RBFOX3: variants seen among roughly 807,000 people sequenced by gnomAD.
The protein encoded by RBFOX3 is RNA binding fox-1 homolog 3, also known as RNA binding protein fox-1 homolog 3.
A neutral mutation model predicts 48.7 loss-of-function variants in RBFOX3; 17 were observed. That is an observed-to-expected ratio of 0.35 (90% CI 0.24 to 0.52). The LOEUF is 0.52. Ranked by LOEUF, RBFOX3 falls within the 20% of genes least tolerant of loss-of-function variation. RBFOX3 has a pLI of 0.94. For missense variants in RBFOX3, 382 were observed against 497.5 expected (o/e 0.77, Z 2.21); for synonymous variants, 212 against 209.5 (o/e 1.01, Z -0.10).
chr17:79,597,313 T>G (rs958585621), intron 1 of RBFOX3, among the ~76,000 whole-genome samples: 1 of 152,136 alleles, frequency 6.6e-6, no homozygotes. Context: ...CCGGTTTGCA[T>G]TGGGAATGAG....
At chr17:79,158,964 G>C (rs1568250374) in intron 4 of RBFOX3, among the ~76,000 whole-genome samples, 1 of 152,224 alleles carries the variant, frequency 6.6e-6, no homozygotes, top group Non-Finnish European at 1.5e-5. Flanking sequence ...AACCGACACT[G>C]CTTGAGCACC....
At chr17:79,350,941 T>G (rs1204818589) in intron 2 of RBFOX3, among the ~76,000 whole-genome samples, 1 of 152,212 alleles carries the variant, frequency 6.6e-6, no homozygotes, top group Non-Finnish European at 1.5e-5. Flanking sequence ...TGGCATCCCC[T>G]GGTAACCTCT....
chr17:79,384,354 C>T (rs896016861), intron 2 of RBFOX3, among the ~76,000 whole-genome samples: 8 of 152,122 alleles, frequency 5.3e-5, no homozygotes, highest in African/African-American at 1.2e-4. Context: ...GACATCTGGC[C>T]ACGCCCTCCC....
chr17:79,542,718 G>A (rs2089890295), intron 1 of RBFOX3, among the ~76,000 whole-genome samples: 1 of 152,212 alleles, frequency 6.6e-6, no homozygotes, highest in Non-Finnish European at 1.5e-5. Flanking sequence ...AGGCGGCGGA[G>A]GCTGCAGTGA....
intron 2 of RBFOX3, among the ~76,000 whole-genome samples, chr17:79,424,445 C>A (rs1490548388): frequency 6.6e-6 from 1 of 152,082 alleles, no homozygotes; most frequent in Admixed American, 6.5e-5. Flanking sequence ...TCCCTCCGCT[C>A]CCCCCGCAAC....
intron 2 of RBFOX3, among the ~76,000 whole-genome samples, chr17:79,478,367 C>A (rs1053669209): frequency 6.6e-6 from 1 of 152,196 alleles, no homozygotes; most frequent in Non-Finnish European, 1.5e-5. Flanking sequence ...GGCAGGCTCA[C>A]ACTCAGCCCC....
intron 2 of RBFOX3, among the ~76,000 whole-genome samples, chr17:79,395,900 T>G (rs1430845733): frequency 6.6e-6 from 1 of 152,216 alleles, no homozygotes; most frequent in African/African-American, 2.4e-5. Context: ...CCAGCGGGGC[T>G]GCAGCTAGGC....
intron 2 of RBFOX3, among the ~76,000 whole-genome samples, chr17:79,317,090 A>G (rs976328321): frequency 1.1e-4 from 17 of 152,220 alleles, no homozygotes; most frequent in African/African-American, 4.1e-4. Flanking sequence ...GGCATTTCCC[A>G]TATGCTCCCT....
the RBFOX3 span, among the ~76,000 whole-genome samples, chr17:79,621,160 G>A: frequency 1.1e-4 from 16 of 151,980 alleles, no homozygotes; most frequent in East Asian, 1.9e-4. Context: ...CACCACGCCC[G>A]GCTTATTTTT....
intron 4 of RBFOX3, among the ~76,000 whole-genome samples, chr17:79,192,258 T>G (rs2054662794): frequency 6.6e-6 from 1 of 152,200 alleles, no homozygotes; most frequent in Non-Finnish European, 1.5e-5. Context: ...GAGGGCCCTA[T>G]GCTGCTCTTA....
At position 79,366,152 on chromosome 17, in the gene RBFOX3, C is replaced by A. The variant is rs193137236; in HGVS notation, c.-174-58328G>T. Among the ~76,000 whole-genome samples the A allele has an allele frequency of 4.3e-4, 65 of 152,334 alleles. 1 individual carries two copies. The East Asian group carries it at 0.011, about 27-fold the overall frequency. On this transcript the variant is annotated intron_variant, in intron 2 of 14. Transcript: ENST00000693108. ...ACAGAGGCATCAATCAACCCGGTCA[C>A]TAGGAAAGCTAGCTGCATAGCTGAC...
At chr17:79,217,698 T>C (rs1411307963) in intron 4 of RBFOX3, among the ~76,000 whole-genome samples, 1 of 151,982 alleles carries the variant, frequency 6.6e-6, no homozygotes, top group East Asian at 1.9e-4. Flanking sequence ...CTTGACTCCA[T>C]GCCTGCAGCA....
At chr17:79,581,526 A>G (rs1806131178) in intron 1 of RBFOX3, among the ~76,000 whole-genome samples, 1 of 152,240 alleles carries the variant, frequency 6.6e-6, no homozygotes. Flanking sequence ...TTCCATGCAC[A>G]CGTGAATCAT....
At chr17:79,240,476 A>G (rs2062197763) in intron 3 of RBFOX3, among the ~76,000 whole-genome samples, 1 of 152,178 alleles carries the variant, frequency 6.6e-6, no homozygotes, top group African/African-American at 2.4e-5. Context: ...CAGCTCTTTG[A>G]TAAAGTCAAT....
intron 1 of RBFOX3, among the ~76,000 whole-genome samples, chr17:79,523,270 C>T (rs1369295437): frequency 1.3e-5 from 2 of 152,142 alleles, no homozygotes; most frequent in Non-Finnish European, 2.9e-5. Flanking sequence ...ATACCACTGA[C>T]TTCTAAACGG....
intron 2 of RBFOX3, among the ~76,000 whole-genome samples, chr17:79,409,356 T>G (rs28758335): frequency 0.028 from 4,245 of 152,032 alleles, 212 homozygotes; most frequent in African/African-American, 0.095. Flanking sequence ...CTTTTTGGAG[T>G]GTGTGTCTAG....
At chr17:79,308,191 G>A (rs1332646479) in intron 2 of RBFOX3, among the ~76,000 whole-genome samples, 2 of 151,924 alleles carry the variant, frequency 1.3e-5, no homozygotes, top group Non-Finnish European at 2.9e-5. Context: ...CCCAAGCCGG[G>A]CCCCAGGTCT....
chr17:79,315,439 G>A (rs542348566), intron 2 of RBFOX3, among the ~76,000 whole-genome samples: 5 of 152,320 alleles, frequency 3.3e-5, no homozygotes, highest in African/African-American at 1.2e-4. Flanking sequence ...GGCCGACAAG[G>A]AAGTCAGAGG....
intron 4 of RBFOX3, among the ~76,000 whole-genome samples, chr17:79,185,364 T>A (rs1270988106): frequency 6.6e-6 from 1 of 152,066 alleles, no homozygotes; most frequent in Non-Finnish European, 1.5e-5. Flanking sequence ...AGGACAGTGG[T>A]GGGGGTCCCA....
Sources: gnomAD v4.1 joint callset for allele counts (sites outside exome capture counted in the v4.1 genomes callset) on GRCh38, gnomAD v4.1.1 for gene constraint, MANE v1.5 for transcripts, NCBI Gene and HGNC (gene_info 2026-07-23, HGNC 2026-07-21) for gene names.